The following DLG2 variants were observed in gnomAD, a reference collection of about 807,000 sequenced individuals.
The protein encoded by DLG2 is disks large homolog 2.
A neutral mutation model predicts 132.5 loss-of-function variants in DLG2; 45 were observed. The observed-to-expected ratio is 0.34, with a 90% CI of 0.27 to 0.44. The LOEUF is 0.44. DLG2 is among the 20% of genes least tolerant of loss of function. The pLI, the probability that DLG2 is intolerant of heterozygous loss-of-function variation, is 1.00. For missense variants in DLG2, 1,045 were observed against 1,196.9 expected, an observed-to-expected ratio of 0.87 and a Z score of 1.87; for synonymous variants, 424 against 419.6, an observed-to-expected ratio of 1.01 and a Z score of -0.13.
At chr11:84,202,473 T>A (rs1457635868) in intron 8 of DLG2, among the ~76,000 whole-genome samples, 1 of 152,162 alleles carries the variant, frequency 6.6e-6, no homozygotes, top group African/African-American at 2.4e-5. Flanking sequence ...TAACTCAAGA[T>A]GGATTAAAGA....
intron 6 of DLG2, among the ~76,000 whole-genome samples, chr11:84,759,115 C>T (rs980127582): frequency 6.6e-6 from 1 of 152,036 alleles, no homozygotes; most frequent in African/African-American, 2.4e-5. Flanking sequence ...TGGCCTCAAG[C>T]AATCTACCCA....
chr11:83,516,621 A>G lies in DLG2; in HGVS notation c.2193+16087T>C, dbSNP rs190475213. ...GTTGATGCAGTTTCCTCTTAGCCTC[A>G]ACGGTCTTTACAATTTGGCATGATT... On this transcript the variant is annotated intron_variant, in intron 21 of 27. Transcript: ENST00000376104. Among the ~76,000 whole-genome samples the G allele has an allele frequency of 7.0e-3, 1,063 of 152,242 alleles. 17 individuals carry two copies. Among genetic ancestry groups the G allele is most frequent in the African/African-American group, 0.025 (1,030 of 41,530 alleles).
chr11:84,754,383 T>C (rs1472984169), intron 6 of DLG2, among the ~76,000 whole-genome samples: 6 of 152,200 alleles, frequency 3.9e-5, no homozygotes, highest in African/African-American at 9.7e-5. Flanking sequence ...TTTTCTTTAC[T>C]TTTATATAAC....
chr11:85,338,443 G>A (rs1043651650), intron 3 of DLG2, among the ~76,000 whole-genome samples: 1 of 152,064 alleles, frequency 6.6e-6, no homozygotes, highest in Non-Finnish European at 1.5e-5. Flanking sequence ...ACTGCAGTGT[G>A]GTTAGGTCAT....
At chr11:83,928,454 A>C (rs945107124) in intron 15 of DLG2, among the ~76,000 whole-genome samples, 2 of 152,124 alleles carry the variant, frequency 1.3e-5, no homozygotes, top group African/African-American at 2.4e-5. Context: ...AATGGAAGGA[A>C]ACCAATGTAA....
At chr11:83,648,342 A>T (rs1566276296) in intron 18 of DLG2, among the ~76,000 whole-genome samples, 2 of 152,164 alleles carry the variant, frequency 1.3e-5, no homozygotes, top group Non-Finnish European at 2.9e-5. Flanking sequence ...GTAGGGGTAA[A>T]GGAAGGCATA....
At chr11:84,591,545 C>T (rs1010719584) in intron 6 of DLG2, among the ~76,000 whole-genome samples, 1 of 151,848 alleles carries the variant, frequency 6.6e-6, no homozygotes, top group African/African-American at 2.4e-5. Context: ...CCTGTAATCT[C>T]AGCTACTGGG....
chr11:83,558,521 G>A (rs948899600), intron 19 of DLG2, among the ~76,000 whole-genome samples: 4 of 152,084 alleles, frequency 2.6e-5, no homozygotes, highest in Non-Finnish European at 5.9e-5. Flanking sequence ...GCTACAGTAG[G>A]CACTTTATAT....
intron 6 of DLG2, among the ~76,000 whole-genome samples, chr11:84,974,025 C>T (rs1180455258): frequency 6.6e-6 from 1 of 152,140 alleles, no homozygotes; most frequent in African/African-American, 2.4e-5. Flanking sequence ...TAGATAGTCC[C>T]ATTTATCATC....
chr11:84,853,904 G>C (rs1425848584), intron 6 of DLG2, among the ~76,000 whole-genome samples: 1 of 152,014 alleles, frequency 6.6e-6, no homozygotes, highest in Non-Finnish European at 1.5e-5. Flanking sequence ...ATCCGAGTGG[G>C]AGTTAGATGA....
chr11:83,491,552 T>C (rs941470784), intron 21 of DLG2, among the ~76,000 whole-genome samples: 1 of 152,022 alleles, frequency 6.6e-6, no homozygotes, highest in Non-Finnish European at 1.5e-5. Context: ...GTCAGCAGTC[T>C]AAGTTGGGGA....
Position 85,208,262 on chromosome 11 carries a change from TAC to T in DLG2, c.187-53613_187-53612del, listed in dbSNP as rs1463832918. On this transcript the variant is annotated intron_variant, in intron 4 of 27. Coordinates refer to ENST00000376104, the MANE Select transcript of DLG2 (RefSeq NM_001142699.3). ...AGCCCAGAATATTTTCCATGTATCA[TAC>T]AGTTTCAAAATTAATGACAAAATGA... 5.3e-5 allele frequency among the ~76,000 whole-genome samples: 8 copies of T among 152,264 alleles called. No individual in the cohort carries two copies. In the East Asian group the frequency reaches 1.6e-3, roughly 30 times the overall value.
In DLG2 at chr11:85,481,108, A is replaced by C. The variant is rs375922630; in HGVS notation, c.40+117549T>G. Among the ~76,000 whole-genome samples, 3 of 152,110 alleles carry C rather than the reference A, an allele frequency of 2.0e-5. No individual in the cohort carries two copies. In the South Asian group the frequency reaches 6.2e-4, roughly 32 times the overall value. On this transcript the variant is annotated intron_variant, in intron 3 of 27. Coordinates refer to ENST00000376104, the MANE Select transcript of DLG2 (RefSeq NM_001142699.3). ...TTGTAAATTCCCTCACTTTCTTCAT[A>C]TGTAAAATCATATAAACTTCAGTTT... is the stretch of plus-strand genomic sequence containing the variant.
At chr11:84,021,946 C>T (rs1016341335) in intron 11 of DLG2, among the ~76,000 whole-genome samples, 1 of 151,980 alleles carries the variant, frequency 6.6e-6, no homozygotes, top group African/African-American at 2.4e-5. Flanking sequence ...GGGGTTTCTC[C>T]ATGTTGGTCA....
At chr11:85,177,181 C>A (rs1332642313) in intron 4 of DLG2, among the ~76,000 whole-genome samples, 2 of 151,598 alleles carry the variant, frequency 1.3e-5, no homozygotes, top group South Asian at 2.1e-4. Flanking sequence ...GCACTATTCA[C>A]AATAGCAAAG....
At chr11:85,199,756 C>G (rs997965243) in intron 4 of DLG2, among the ~76,000 whole-genome samples, 1 of 152,108 alleles carries the variant, frequency 6.6e-6, no homozygotes. Context: ...CTAACCATGA[C>G]TTTAGACAGT....
chr11:84,290,319 A>G (rs535362975), intron 7 of DLG2, among the ~76,000 whole-genome samples: 1 of 152,222 alleles, frequency 6.6e-6, no homozygotes, highest in Admixed American at 6.5e-5. Flanking sequence ...TTTTTCCAGG[A>G]GGCATACATG....
At chr11:84,025,626 T>G (rs1454433604) in intron 11 of DLG2, among the ~76,000 whole-genome samples, 2 of 152,200 alleles carry the variant, frequency 1.3e-5, no homozygotes. Flanking sequence ...GAAACATGAA[T>G]GGAAACCTTT....
chr11:85,403,592 A>G (rs184940946), intron 3 of DLG2, among the ~76,000 whole-genome samples: 21 of 152,110 alleles, frequency 1.4e-4, no homozygotes, highest in African/African-American at 4.8e-4. Flanking sequence ...GCTTTGGGAG[A>G]AGAGTCCAGT....
Sources: allele counts gnomAD v4.1 joint callset (sites outside exome capture counted in the v4.1 genomes callset), GRCh38; gene constraint gnomAD v4.1.1; transcripts MANE v1.5; gene names NCBI Gene and HGNC (gene_info 2026-07-23, HGNC 2026-07-21).